The following DPP10 variants were observed in gnomAD, a reference collection of about 807,000 sequenced individuals.
The protein encoded by DPP10 is inactive dipeptidyl peptidase 10.
Under a neutral mutation model 120.9 loss-of-function variants are expected in DPP10, and 33 were observed. That is an observed-to-expected ratio of 0.27 (90% CI 0.21 to 0.37). The LOEUF is 0.37. Ranked by LOEUF, DPP10 falls within the 10% of genes least tolerant of loss-of-function variation. DPP10 has a pLI of 1.00. For synonymous variants in DPP10, 337 were observed against 326.1 expected (o/e 1.03, Z -0.36); for missense variants, 816 against 942.8 (o/e 0.87, Z 1.76).
At chr2:115,200,406 G>C (rs1209098963) in intron 1 of DPP10, among the ~76,000 whole-genome samples, 2 of 151,912 alleles carry the variant, frequency 1.3e-5, no homozygotes, top group African/African-American at 4.8e-5. Context: ...TTCCCCCAAA[G>C]TCATTAAGTA....
chr2:115,771,293 C>G (rs1681438447), intron 13 of DPP10, among the ~76,000 whole-genome samples: 1 of 151,924 alleles, frequency 6.6e-6, no homozygotes, highest in Non-Finnish European at 1.5e-5. Flanking sequence ...AGGCTGGTCT[C>G]GAACTTCTGA....
At chr2:115,188,284 C>T (rs993234775) in intron 1 of DPP10, among the ~76,000 whole-genome samples, 1 of 152,130 alleles carries the variant, frequency 6.6e-6, no homozygotes, top group Non-Finnish European at 1.5e-5. Context: ...GTATGGGCTA[C>T]AGGCAAAGAG....
chr2:115,513,534 A>AT (rs1380394224), intron 4 of DPP10, among the ~76,000 whole-genome samples: 7 of 151,490 alleles, frequency 4.6e-5, no homozygotes, highest in Non-Finnish European at 7.4e-5. Context: ...CCTTTTTACT[A>AT]TTTTTTGTGT....
At chr2:115,031,144 T>C (rs1426345792) in intron 1 of DPP10, among the ~76,000 whole-genome samples, 1 of 137,804 alleles carries the variant, frequency 7.3e-6, no homozygotes, top group Non-Finnish European at 1.6e-5. Context: ...AGTCACAATA[T>C]GCCTCATAAT....
chr2:115,415,903 A>C (rs1452898939), intron 3 of DPP10, among the ~76,000 whole-genome samples: 1 of 142,078 alleles, frequency 7.0e-6, no homozygotes, highest in Admixed American at 7.2e-5. Context: ...ATTCATATTT[A>C]TTTTAATGGG....
intron 1 of DPP10, among the ~76,000 whole-genome samples, chr2:115,291,398 T>C (rs1399215537): frequency 6.6e-6 from 1 of 152,094 alleles, no homozygotes; most frequent in Non-Finnish European, 1.5e-5. Flanking sequence ...GACATAAAAA[T>C]TCTAACTTTA....
At chr2:115,188,952 A>C (rs2054663244) in intron 1 of DPP10, among the ~76,000 whole-genome samples, 1 of 152,238 alleles carries the variant, frequency 6.6e-6, no homozygotes. Context: ...TACAAATGCA[A>C]TACTTCACAG....
intron 1 of DPP10, among the ~76,000 whole-genome samples, chr2:115,132,924 C>A (rs867363149): frequency 6.6e-6 from 1 of 151,914 alleles, no homozygotes; most frequent in Middle Eastern, 3.4e-3. Flanking sequence ...TTCCAGAATT[C>A]TCCATGCCTA....
intron 1 of DPP10, among the ~76,000 whole-genome samples, chr2:115,137,819 C>T (rs1280091634): frequency 6.6e-6 from 1 of 152,150 alleles, no homozygotes; most frequent in African/African-American, 2.4e-5. Context: ...CTAGGTACAC[C>T]TGTGCTGTCA....
intron 17 of DPP10, among the ~76,000 whole-genome samples, chr2:115,787,031 G>A (rs977482485): frequency 2.6e-5 from 4 of 152,180 alleles, no homozygotes; most frequent in Admixed American, 1.3e-4. Context: ...GAAGTGTCCT[G>A]CCTTTTGTAG....
intron 1 of DPP10, among the ~76,000 whole-genome samples, chr2:114,584,425 A>G (rs977979607): frequency 6.6e-6 from 1 of 152,062 alleles, no homozygotes; most frequent in African/African-American, 2.4e-5. Flanking sequence ...TTTAAGTTTT[A>G]GGGTACATGT....
At chr2:114,522,639 A>G (rs547316878) in intron 1 of DPP10, among the ~76,000 whole-genome samples, 2 of 152,330 alleles carry the variant, frequency 1.3e-5, no homozygotes, top group East Asian at 1.9e-4. Flanking sequence ...GGGAGAAATG[A>G]TGCCTCTGAT....
chr2:115,565,062 T>C (rs1481731086), intron 5 of DPP10, among the ~76,000 whole-genome samples: 1 of 152,060 alleles, frequency 6.6e-6, no homozygotes, highest in Non-Finnish European at 1.5e-5. Context: ...ATCATGAAAA[T>C]GTTATATACC....
chr2:115,117,814 AG>A (rs1243274434), intron 1 of DPP10, among the ~76,000 whole-genome samples: 3 of 152,100 alleles, frequency 2.0e-5, no homozygotes, highest in African/African-American at 7.2e-5. Context: ...AGGGTCGGGG[AG>A]GGGAGGAAAT....
intron 1 of DPP10, among the ~76,000 whole-genome samples, chr2:115,165,303 T>C (rs962049537): frequency 1.3e-5 from 2 of 152,192 alleles, no homozygotes; most frequent in African/African-American, 4.8e-5. Context: ...AAGGAAGTTA[T>C]TGTGGAAGTG....
chr2:114,664,363 TC>T (rs1303535146), intron 1 of DPP10, among the ~76,000 whole-genome samples: 1 of 151,886 alleles, frequency 6.6e-6, no homozygotes, highest in Non-Finnish European at 1.5e-5. Flanking sequence ...GCGTGGTGGC[TC>T]ATGCCTGTCA....
Position 115,840,311 on chromosome 2 carries a change from G to A in DPP10, c.2183-439G>A, listed in dbSNP as rs1217492916. On this transcript the variant is annotated intron_variant, in intron 24 of 25. Coordinates refer to ENST00000410059, the MANE Select transcript of DPP10 (RefSeq NM_020868.6). Reference sequence around the variant, plus strand: ...CTTTCTACCTAAAGCCAGATATAAGGTTTTTTGGTTTTTTTTTTTTTTTTT... The same window carrying A: ...CTTTCTACCTAAAGCCAGATATAAGATTTTTTGGTTTTTTTTTTTTTTTTT... Among the ~76,000 whole-genome samples, 2 of 33,242 alleles carry A rather than the reference G, an allele frequency of 6.0e-5. 1 individual carries two copies. Among genetic ancestry groups the A allele is most frequent in the African/African-American group, 1.8e-4 (2 of 11,118 alleles). 21.8% of individuals were successfully genotyped at this position (33,242 alleles called of 152,430 possible).
chr2:115,677,083 C>A (rs1005946281), intron 5 of DPP10, among the ~76,000 whole-genome samples: 1 of 152,108 alleles, frequency 6.6e-6, no homozygotes, highest in Non-Finnish European at 1.5e-5. Context: ...ATATAACACT[C>A]AGGCAAAACT....
chr2:114,535,347 T>C (rs2104765811), intron 1 of DPP10, among the ~76,000 whole-genome samples: 1 of 152,352 alleles, frequency 6.6e-6, no homozygotes, highest in East Asian at 1.9e-4. Flanking sequence ...AGTCAAGCTT[T>C]CAAGCACTAA....
Sources: allele counts gnomAD v4.1 joint callset (sites outside exome capture counted in the v4.1 genomes callset), GRCh38; gene constraint gnomAD v4.1.1; transcripts MANE v1.5; gene names NCBI Gene and HGNC (gene_info 2026-07-23, HGNC 2026-07-21).